The following AAR2 variants were observed in gnomAD, a reference collection of about 807,000 sequenced individuals.
AAR2 encodes the protein protein AAR2 homolog.
A neutral mutation model predicts 26.9 loss-of-function variants in AAR2; 31 were observed. The observed-to-expected ratio is 1.15, with a 90% CI of 0.86 to 1.55. AAR2 has a LOEUF of 1.55. Among genes scored for constraint, AAR2 ranks in the 40% most tolerant of loss-of-function variants. The pLI is 0.00. For missense variants in AAR2, 430 were observed against 491.3 expected, an observed-to-expected ratio of 0.88 and a Z score of 1.18; for synonymous variants, 188 against 196.1, an observed-to-expected ratio of 0.96 and a Z score of 0.34.
At chr20:36,244,626 T>G in intron 2 of AAR2, 71 bp from the exon 3 acceptor site, 4 of 1,441,234 alleles carry the variant, frequency 2.8e-6, no homozygotes, top group Non-Finnish European at 3.9e-6. Flanking sequence ...CATGGCCTTG[T>G]GAATAGTGAT....
In AAR2 at chr20:36,240,413, G is replaced by A. The variant is rs774478093; in HGVS notation, c.545G>A (p.Gly182Asp). Residue 182 changes from glycine to aspartate, a missense_variant, in exon 2 of 4, where the codon GGC (glycine) becomes GAC (aspartate). Gly to Asp is a moderately conservative substitution (Grantham distance 94). Coordinates refer to ENST00000320849, the MANE Select transcript of AAR2 (RefSeq NM_001271874.2). ...GTGGGGCAGAATCTACCCCGCTGTG[G>A]CATTGAGTGCAAAAGCTACCAAGAG... ...DRVGQNLPRC[G>D]IECKSYQEGL... 1 of 1,614,232 alleles carries A rather than the reference G, an allele frequency of 6.2e-7. No individual in the cohort carries two copies. Among genetic ancestry groups the A allele is most frequent in the Non-Finnish European group, 8.5e-7 (1 of 1,180,054 alleles).
intron 3 of AAR2, among the ~76,000 whole-genome samples, chr20:36,246,707 T>G (rs546165566): frequency 2.6e-5 from 4 of 152,230 alleles, no homozygotes; most frequent in Non-Finnish European, 5.9e-5. Context: ...CAGGCTTTGT[T>G]GCCAGCAATG....
chr20:36,248,556 T>G (rs1569428377), intron 3 of AAR2, among the ~76,000 whole-genome samples: 1 of 152,206 alleles, frequency 6.6e-6, no homozygotes, highest in Non-Finnish European at 1.5e-5. Flanking sequence ...CAGGCTGGTC[T>G]CGAACTCCTG....
rs372602653 is a variant in AAR2, at chr20:36,240,349, G to C, written c.481G>C (p.Val161Leu). 1.9e-5 allele frequency: 31 copies of C among 1,614,120 alleles called. 1 individual carries two copies. The highest frequency in any genetic ancestry group is 8.3e-5 in the Admixed American group (5 of 60,002). The change falls in exon 2 of 4, where the codon GTG (valine) becomes CTG (leucine). Residue 161 changes from valine (V) to leucine (L), a missense_variant. By Grantham distance (32) the Val-to-Leu change is conservative. Transcript: ENST00000320849. ...TCGACAGATCTGTGCCTTTTCCGAT[G>C]TGCTACCTGTGCTCTCCATGAAGCA... The part of the protein sequence containing the change: ...ENRQICAFSD[V>L]LPVLSMKHTK...
rs2064826033 is a variant in AAR2 at position 36,256,857 on chromosome 20, AC to A, written c.*1113del. 1 of 152,650 alleles carries A rather than the reference AC, an allele frequency of 6.6e-6. No homozygotes were observed. The highest frequency in any genetic ancestry group is 2.4e-5 in the African/African-American group (1 of 41,450). 9.5% of individuals were successfully genotyped at this position (152,650 alleles called of 1,614,324 possible). A position where few individuals can be genotyped will look rare whatever the true frequency, so the allele number is the denominator to read the frequency against. On this transcript the variant is annotated 3_prime_UTR_variant, in exon 4 of 4. Transcript: ENST00000320849. ...TGAATGAGAATCCCTGCTGGTTGAGACTTTTGCTTCCACTTGTTTCCTTGGA... is the reference window on the plus strand; with the variant it reads ...TGAATGAGAATCCCTGCTGGTTGAGATTTTGCTTCCACTTGTTTCCTTGGA...
In AAR2 at chr20:36,248,115, A is replaced by T. The variant is rs973641043; in HGVS notation, c.987+3189A>T. ...TCATTCTACAACATGCCCTCAAGGC[A>T]TCCCTCTCTGTCAAGCCATCCCTCC... On this transcript the variant is annotated intron_variant, in intron 3 of 3. Coordinates refer to ENST00000320849, the MANE Select transcript of AAR2 (RefSeq NM_001271874.2). Among the ~76,000 whole-genome samples, 141 of 152,110 alleles carry T rather than the reference A, an allele frequency of 9.3e-4. 1 individual carries two copies. The highest frequency in any genetic ancestry group is 1.5e-3 in the Non-Finnish European group (103 of 68,018).
chr20:36,243,627 C>T (rs1049006317), intron 2 of AAR2, among the ~76,000 whole-genome samples: 5 of 152,184 alleles, frequency 3.3e-5, no homozygotes, highest in African/African-American at 1.2e-4. Flanking sequence ...CAGTTACTTG[C>T]CCAGGGACAG....
chr20:36,251,039 A>T (rs148993314), intron 3 of AAR2, among the ~76,000 whole-genome samples: 7 of 152,180 alleles, frequency 4.6e-5, no homozygotes, highest in African/African-American at 1.4e-4. Flanking sequence ...TCTACAAAAA[A>T]TACAAAATTT....
chr20:36,247,143 C>T (rs541219100), intron 3 of AAR2, among the ~76,000 whole-genome samples: 1 of 152,326 alleles, frequency 6.6e-6, no homozygotes, highest in African/African-American at 2.4e-5. Context: ...CTCCAGATAG[C>T]AGACTCTTGT....
At position 36,236,499 on chromosome 20, in the gene AAR2, A is replaced by C. The variant is rs538522972; in HGVS notation, c.-53A>C. 6.6e-6 allele frequency: 1 copy of C among 152,234 alleles called. No individual in the cohort carries two copies. Among genetic ancestry groups the C allele is most frequent in the Admixed American group, 6.5e-5 (1 of 15,280 alleles). The allele number at this position is 152,234 out of a possible 1,614,324, so 9.4% of individuals were successfully genotyped here. A position where few individuals can be genotyped will look rare whatever the true frequency, so the allele number is the denominator to read the frequency against. On this transcript the variant is annotated 5_prime_UTR_variant, in exon 1 of 4. Transcript: ENST00000320849. ...TTCCGCTGTACCGGAACGTGGGGCG[A>C]GGCGGTGAGTGTGGCCTCCTGGCCT...
intron 1 of AAR2, chr20:36,236,791 T>A (rs867022940): frequency 1.3e-5 from 2 of 152,412 alleles, no homozygotes; most frequent in Middle Eastern, 6.8e-3. Context: ...CAGTAAGGTC[T>A]TTCCCCGAAC....
At chr20:36,237,867 C>T (rs752085058) in intron 1 of AAR2, among the ~76,000 whole-genome samples, 6 of 151,584 alleles carry the variant, frequency 4.0e-5, no homozygotes, top group Non-Finnish European at 8.8e-5. Flanking sequence ...ACTGCAACCT[C>T]TGCCTCCCAG....
intron 3 of AAR2, 107 bp from the exon 4 acceptor site, chr20:36,255,471 T>C: frequency 7.6e-7 from 1 of 1,321,974 alleles, no homozygotes; most frequent in Non-Finnish European, 1.1e-6. Context: ...CAGCAGCAGC[T>C]GATCTACCCG....
chr20:36,244,638 G>A, intron 2 of AAR2, 59 bp from the exon 3 acceptor site: 1 of 1,515,272 alleles, frequency 6.6e-7, no homozygotes, highest in Non-Finnish European at 9.2e-7. Context: ...AATAGTGATG[G>A]AGAGTGTCAG....
In AAR2 at chr20:36,240,506, C is replaced by T. The variant is rs1364398348; in HGVS notation, c.638C>T (p.Thr213Met). ...GTEIRFSELP[T>M]QMFPEGATPA... ...GAGATCCGCTTCTCAGAGCTGCCCA[C>T]GCAGATGTTCCCAGAGGGTGCCACG... The change falls in exon 2 of 4, where the codon ACG (threonine) becomes ATG (methionine). Residue 213 changes from threonine to methionine, a missense_variant. Transcript: ENST00000320849. 1.4e-5 allele frequency: 23 copies of T among 1,613,954 alleles called. No individual in the cohort carries two copies. The highest frequency in any genetic ancestry group is 2.7e-5 in the African/African-American group (2 of 74,916).
At position 36,255,740 on chromosome 20, in the gene AAR2, G is replaced by A; in HGVS notation, c.1150G>A (p.Gly384Ser). The change falls in exon 4 of 4, where the codon GGC becomes AGC. Residue 384 changes from glycine (G) to serine (S), a missense_variant. Transcript: ENST00000320849. ...VVELPEGIEM[G>S] Reference sequence around the variant, plus strand: ...GGAGCTCCCTGAGGGCATCGAGATGGGCTAACTCGGGGAGCGCTCTCAGCT... The same window carrying A: ...GGAGCTCCCTGAGGGCATCGAGATGAGCTAACTCGGGGAGCGCTCTCAGCT... The A allele has an allele frequency of 1.2e-6, 2 of 1,614,086 alleles. No homozygotes were observed. The highest frequency in any genetic ancestry group is 1.7e-6 in the Non-Finnish European group (2 of 1,180,014).
rs1302712475 is a variant in AAR2, at chr20:36,242,741, T to C, written c.758-1956T>C. On this transcript the variant is annotated intron_variant, in intron 2 of 3. Transcript: ENST00000320849. ...TTAGTATTTTCGTATAATAAGTAAC[T>C]TTTAAAAGTCTGGCTTAAAAATGAA... 4.6e-5 allele frequency among the ~76,000 whole-genome samples: 7 copies of C among 152,170 alleles called. No homozygotes were observed. In the East Asian group the frequency reaches 1.2e-3, roughly 25 times the overall value.
chr20:36,239,342 A>T (rs2064651159), intron 1 of AAR2, among the ~76,000 whole-genome samples: 1 of 152,210 alleles, frequency 6.6e-6, no homozygotes, highest in African/African-American at 2.4e-5. Flanking sequence ...GAAACTGGAT[A>T]TGTACTTGAT....
Position 36,256,780 on chromosome 20 carries a change from A to C in AAR2, c.*1035A>C, listed in dbSNP as rs999558386. The C allele has an allele frequency of 1.3e-5, 2 of 152,616 alleles. No homozygotes were observed. Among genetic ancestry groups the C allele is most frequent in the Non-Finnish European group, 2.9e-5 (2 of 68,050 alleles). The allele number at this position is 152,616 out of a possible 1,614,324, so 9.5% of individuals were successfully genotyped here. ...CCTGACATCAAACTGTTGTACTATG[A>C]TCACAGTCCCTGTGCCATCCTTTTC... On this transcript the variant is annotated 3_prime_UTR_variant, in exon 4 of 4. Transcript: ENST00000320849.
Sources: allele counts gnomAD v4.1 joint callset (sites outside exome capture counted in the v4.1 genomes callset), GRCh38; gene constraint gnomAD v4.1.1; transcripts MANE v1.5; gene names NCBI Gene and HGNC (gene_info 2026-07-23, HGNC 2026-07-21).